The following KDM4B variants were observed in gnomAD, a reference collection of about 807,000 sequenced individuals.
KDM4B encodes lysine-specific demethylase 4B.
In KDM4B, 32 loss-of-function variants were observed where a neutral mutation model predicts 125.2. That is an observed-to-expected ratio of 0.26 (90% CI 0.19 to 0.34). The LOEUF (loss-of-function observed/expected upper bound fraction) is 0.34. Ranked by LOEUF, KDM4B falls within the 10% of genes least tolerant of loss-of-function variation. The pLI, the probability that KDM4B is intolerant of heterozygous loss-of-function variation, is 1.00. For missense variants in KDM4B, 1,190 were observed against 1,577.7 expected, an observed-to-expected ratio of 0.75 and a Z score of 4.16; for synonymous variants, 721 against 677.9, an observed-to-expected ratio of 1.06 and a Z score of -0.99.
chr19:4,975,491 C>T (rs535700090), intron 1 of KDM4B, among the ~76,000 whole-genome samples: 11 of 151,970 alleles, frequency 7.2e-5, no homozygotes, highest in East Asian at 1.9e-4. Context: ...GGCCACACTA[C>T]GGAAAGCTAT....
rs1033241196 is a variant in KDM4B at position 5,152,137 on chromosome 19, G to C, written c.*626G>C. ...GGGGGGGGCAGGACGCCCCGGTTTC[G>C]GCACAGCCCGGTCACTCACGGCCTC... is the stretch of plus-strand genomic sequence containing the variant. On this transcript the variant is annotated 3_prime_UTR_variant, in exon 23 of 23. Transcript: ENST00000159111. 2 of 152,156 alleles carry C rather than the reference G, an allele frequency of 1.3e-5. No homozygotes were observed. Among genetic ancestry groups the C allele is most frequent in the Admixed American group, 1.3e-4 (2 of 15,276 alleles). The allele number at this position is 152,156 out of a possible 1,614,324, so 9.4% of individuals were successfully genotyped here.
chr19:5,042,816 C>T (rs550889528), intron 5 of KDM4B, among the ~76,000 whole-genome samples: 99 of 151,740 alleles, frequency 6.5e-4, no homozygotes, highest in African/African-American at 1.9e-3. Context: ...ACCTCCCACC[C>T]GGCCCCACCG....
chr19:5,143,902 G>T (rs2039790058), intron 18 of KDM4B, 65 bp from the exon 19 acceptor site: 2 of 1,309,344 alleles, frequency 1.5e-6, no homozygotes, highest in South Asian at 2.7e-5. Context: ...AGGGGCCGGG[G>T]ACTCCGTTCC....
chr19:5,079,359 C>A (rs1039659337), intron 8 of KDM4B, among the ~76,000 whole-genome samples: 1 of 152,192 alleles, frequency 6.6e-6, no homozygotes, highest in Non-Finnish European at 1.5e-5. Flanking sequence ...AGGGGACAGA[C>A]ACCGTGAGTG....
intron 18 of KDM4B, 48 bp downstream of exon 18, chr19:5,138,118 C>A: frequency 6.9e-7 from 1 of 1,446,334 alleles, no homozygotes; most frequent in Non-Finnish European, 9.6e-7. Context: ...TCTAGGGCTG[C>A]CGGCCATGCT....
intron 6 of KDM4B, among the ~76,000 whole-genome samples, chr19:5,065,958 G>A (rs1416709634): frequency 6.6e-6 from 1 of 152,244 alleles, no homozygotes; most frequent in Non-Finnish European, 1.5e-5. Context: ...GCCTGGTGGG[G>A]CATCCCCACC....
chr19:4,988,712 G>T (rs2034931036), intron 1 of KDM4B, among the ~76,000 whole-genome samples: 1 of 152,200 alleles, frequency 6.6e-6, no homozygotes, highest in Non-Finnish European at 1.5e-5. Flanking sequence ...AGGGATGTGG[G>T]AAGGGGCACA....
At chr19:5,096,086 C>CT (rs36115996) in intron 9 of KDM4B, among the ~76,000 whole-genome samples, 5,939 of 136,682 alleles carry the variant, frequency 0.043, 149 homozygotes, top group Admixed American at 0.083. Flanking sequence ...TGTGGGGAAT[C>CT]TTTTTTTTTT....
intron 2 of KDM4B, among the ~76,000 whole-genome samples, chr19:5,027,788 A>T (rs923231104): frequency 2.0e-4 from 30 of 152,120 alleles, no homozygotes; most frequent in African/African-American, 7.2e-4. Context: ...CAGTCTGCCC[A>T]CCTTGGCCTC....
At chr19:4,990,806 C>G (rs1318246693) in intron 1 of KDM4B, among the ~76,000 whole-genome samples, 1 of 152,024 alleles carries the variant, frequency 6.6e-6, no homozygotes, top group Non-Finnish European at 1.5e-5. Flanking sequence ...GTGTTGGTTC[C>G]CTTTATTATT....
intron 6 of KDM4B, among the ~76,000 whole-genome samples, chr19:5,047,871 A>G (rs1050825725): frequency 6.6e-6 from 1 of 152,142 alleles, no homozygotes; most frequent in African/African-American, 2.4e-5. Context: ...CCCAGAGCCG[A>G]AGCTCCCAGG....
rs2039762043 is a variant in KDM4B, at chr19:5,142,449, C to A, written c.2551-1518C>A. ...GCTCCTGACAAATGGTCCCATGGGTCCGGGGGCACGCTTTTCACAACGTGG... is the reference window on the plus strand; with the variant it reads ...GCTCCTGACAAATGGTCCCATGGGTACGGGGGCACGCTTTTCACAACGTGG... On this transcript the variant is annotated intron_variant, in intron 18 of 22. Transcript: ENST00000159111. This position sits in a 1 kb window ranked among gnomAD's most constrained non-coding sequence, Gnocchi z 5.4. Among the ~76,000 whole-genome samples the A allele has an allele frequency of 6.6e-6, 1 of 152,196 alleles. No individual in the cohort carries two copies. The highest frequency in any genetic ancestry group is 6.5e-5 in the Admixed American group (1 of 15,290).
chr19:5,109,725 G>A (rs1228335567), intron 9 of KDM4B, among the ~76,000 whole-genome samples: 2 of 152,154 alleles, frequency 1.3e-5, no homozygotes, highest in African/African-American at 4.8e-5. Flanking sequence ...CTCCAGCCCT[G>A]CAAGCTGGAG....
intron 6 of KDM4B, among the ~76,000 whole-genome samples, chr19:5,054,237 C>A (rs562625166): frequency 3.3e-5 from 5 of 152,338 alleles, no homozygotes; most frequent in Admixed American, 1.3e-4. Context: ...GGCACGTGCA[C>A]AACTGGCAAA....
intron 11 of KDM4B, among the ~76,000 whole-genome samples, chr19:5,129,852 G>A (rs962234071): frequency 2.0e-5 from 3 of 152,228 alleles, no homozygotes; most frequent in East Asian, 1.9e-4. Flanking sequence ...GTGCGGCCAG[G>A]CTGGTCTTCC....
rs202201915 is a variant in KDM4B at position 5,151,365 on chromosome 19, G to T, written c.3145G>T (p.Ala1049Ser). The change falls in exon 23 of 23, where the codon GCC becomes TCC. Residue 1049 changes from alanine to serine, a missense_variant. By Grantham distance (99) the Ala-to-Ser change is moderately conservative (BLOSUM62 1). This residue lies in a region of KDM4B where 109 missense variants were observed against 93.8 expected (regional missense o/e 1.16). Coordinates refer to ENST00000159111, the MANE Select transcript of KDM4B (RefSeq NM_015015.3). ...SLSTGAPQEP[A>S]FSGEEAKAAK... The stretch of plus-strand genomic sequence containing the variant: ...GAGCACGGGGGCACCGCAGGAGCCC[G>T]CCTTCTCGGGGGAGGAGGCCAAGGC... The T allele has an allele frequency of 3.4e-5, 54 of 1,583,918 alleles. No homozygotes were observed. The highest frequency in any genetic ancestry group is 4.2e-5 in the Non-Finnish European group (49 of 1,167,068).
At chr19:5,074,542 A>T (rs1341319294) in intron 7 of KDM4B, 1 of 152,262 alleles carries the variant, frequency 6.6e-6, no homozygotes, top group Non-Finnish European at 1.5e-5. Context: ...TAGAGCTTTA[A>T]TGAGAGCCAC....
intron 21 of KDM4B, among the ~76,000 whole-genome samples, chr19:5,145,220 T>G (rs1437452643): frequency 6.6e-6 from 1 of 152,030 alleles, no homozygotes; most frequent in Non-Finnish European, 1.5e-5. Context: ...CCCCTGGGTT[T>G]TTTTTTTTTT....
intron 9 of KDM4B, among the ~76,000 whole-genome samples, chr19:5,103,081 T>C (rs2038968891): frequency 6.6e-6 from 1 of 152,170 alleles, no homozygotes; most frequent in African/African-American, 2.4e-5. Flanking sequence ...TGTGGGGCAG[T>C]TGGGGGCACC....
Sources: allele counts gnomAD v4.1 joint callset (sites outside exome capture counted in the v4.1 genomes callset), GRCh38; gene constraint gnomAD v4.1.1; regional missense constraint gnomAD v4.1.1; non-coding constraint Gnocchi (gnomAD v3.1); transcripts MANE v1.5; gene names NCBI Gene and HGNC (gene_info 2026-07-23, HGNC 2026-07-21).